ERC2: variants seen among roughly 807,000 people sequenced by gnomAD.
ERC2 encodes ERC protein 2.
In ERC2, 42 loss-of-function variants were observed where a neutral mutation model predicts 114.8. That is an observed-to-expected ratio of 0.37 (90% CI 0.29 to 0.47). The LOEUF (loss-of-function observed/expected upper bound fraction) is 0.47, where lower values mean the gene tolerates loss of function less well. ERC2 is among the 20% of genes least tolerant of loss of function. ERC2 has a pLI of 0.99. For synonymous variants in ERC2, 454 were observed against 425.5 expected (o/e 1.07, Z -0.82); for missense variants, 939 against 1,150.7 (o/e 0.82, Z 2.66).
At chr3:56,044,810 C>G (rs2075378029) in intron 7 of ERC2, among the ~76,000 whole-genome samples, 1 of 152,046 alleles carries the variant, frequency 6.6e-6, no homozygotes, top group African/African-American at 2.4e-5. Context: ...AACTCTCGCT[C>G]CCCAAATCAA....
intron 3 of ERC2, among the ~76,000 whole-genome samples, chr3:56,258,846 A>T (rs2052709046): frequency 6.6e-6 from 1 of 152,138 alleles, no homozygotes; most frequent in Admixed American, 6.5e-5. Context: ...TACAACTTAA[A>T]CTTTGATTTA....
At chr3:56,076,427 G>A (rs1027607022) in intron 7 of ERC2, among the ~76,000 whole-genome samples, 2 of 152,082 alleles carry the variant, frequency 1.3e-5, no homozygotes, top group African/African-American at 4.8e-5. Flanking sequence ...ATGTCATCAG[G>A]TTTTATGACA....
At chr3:56,322,905 G>A (rs1478945016) in intron 2 of ERC2, among the ~76,000 whole-genome samples, 1 of 152,186 alleles carries the variant, frequency 6.6e-6, no homozygotes, top group Non-Finnish European at 1.5e-5. Flanking sequence ...GGCCTAGTGG[G>A]AAGTGTTTGG....
intron 3 of ERC2, among the ~76,000 whole-genome samples, chr3:56,263,163 A>G (rs1225132627): frequency 2.0e-5 from 3 of 152,184 alleles, no homozygotes; most frequent in African/African-American, 7.2e-5. Context: ...TGATAATTCA[A>G]TTCACTTTTG....
At chr3:55,547,501 A>G (rs1315389330) in intron 17 of ERC2, among the ~76,000 whole-genome samples, 1 of 152,214 alleles carries the variant, frequency 6.6e-6, no homozygotes, top group Admixed American at 6.5e-5. Flanking sequence ...AATGAAAACC[A>G]GTTTAAGGTC....
chr3:56,103,751 C>T (rs1404544362), intron 6 of ERC2, among the ~76,000 whole-genome samples: 1 of 144,140 alleles, frequency 6.9e-6, no homozygotes, highest in African/African-American at 2.9e-5. Flanking sequence ...GTGTATCTAT[C>T]TATCTATCTA....
rs186625215 is a variant in ERC2 at position 55,744,853 on chromosome 3, C to T, written c.2565-9935G>A. On this transcript the variant is annotated intron_variant, in intron 14 of 17. Coordinates refer to ENST00000288221, the MANE Select transcript of ERC2 (RefSeq NM_015576.3). The stretch of plus-strand genomic sequence containing the variant: ...ACAACTTGCAGTCAAGACCCTCTAC[C>T]GGTAACCGGATCATCGTGAGAATTA... Among the ~76,000 whole-genome samples, 234 of 152,326 alleles carry T rather than the reference C, an allele frequency of 1.5e-3. 6 individuals are homozygous for T. Among genetic ancestry groups the T allele is most frequent in the Non-Finnish European group, 2.2e-4 (15 of 68,036 alleles).
At chr3:56,097,490 G>A (rs1248867836) in intron 6 of ERC2, among the ~76,000 whole-genome samples, 1 of 152,106 alleles carries the variant, frequency 6.6e-6, no homozygotes, top group East Asian at 1.9e-4. Flanking sequence ...ATTTCTGTGT[G>A]GGTTTGTGTG....
At chr3:55,907,788 G>A (rs2064550607) in intron 13 of ERC2, among the ~76,000 whole-genome samples, 1 of 152,170 alleles carries the variant, frequency 6.6e-6, no homozygotes, top group Admixed American at 6.5e-5. Context: ...CTTCACTCAG[G>A]GTCATAGCAA....
intron 9 of ERC2, among the ~76,000 whole-genome samples, chr3:56,008,216 A>C (rs1368668376): frequency 6.6e-6 from 1 of 152,150 alleles, no homozygotes; most frequent in Non-Finnish European, 1.5e-5. Context: ...CTCTGTAAAC[A>C]ACGTTGGCTA....
chr3:56,235,037 G>T (rs897043729), intron 3 of ERC2, among the ~76,000 whole-genome samples: 1 of 152,174 alleles, frequency 6.6e-6, no homozygotes, highest in Admixed American at 6.5e-5. Context: ...CTATAGCCTT[G>T]AAACAATCAA....
chr3:55,981,083 T>A (rs1183719109), intron 12 of ERC2, among the ~76,000 whole-genome samples: 1 of 152,248 alleles, frequency 6.6e-6, no homozygotes. Flanking sequence ...AAGGCTAGGA[T>A]CGGAAAGGTG....
At chr3:55,534,902 A>C (rs1575500421) in intron 17 of ERC2, among the ~76,000 whole-genome samples, 1 of 152,218 alleles carries the variant, frequency 6.6e-6, no homozygotes, top group African/African-American at 2.4e-5. Context: ...TTTGAGAGGA[A>C]ATGGCTGAGC....
chr3:55,729,537 C>T (rs941544801), intron 15 of ERC2, among the ~76,000 whole-genome samples: 4 of 152,052 alleles, frequency 2.6e-5, no homozygotes, highest in Non-Finnish European at 5.9e-5. Flanking sequence ...CTTTCTCCCC[C>T]TATTAAAAAG....
intron 3 of ERC2, among the ~76,000 whole-genome samples, chr3:56,243,727 T>C (rs1005147323): frequency 2.0e-5 from 3 of 152,140 alleles, no homozygotes; most frequent in Non-Finnish European, 4.4e-5. Flanking sequence ...GGCACAAAGA[T>C]AGACAGGTGC....
At chr3:55,968,297 C>T (rs1212174413) in intron 12 of ERC2, among the ~76,000 whole-genome samples, 1 of 152,088 alleles carries the variant, frequency 6.6e-6, no homozygotes, top group Admixed American at 6.6e-5. Context: ...AAAGAAAACT[C>T]CTGGCAACAC....
chr3:56,331,992 G>A (rs1452212), intron 2 of ERC2, among the ~76,000 whole-genome samples: 12,730 of 152,244 alleles, frequency 0.084, 806 homozygotes, highest in African/African-American at 0.15. Context: ...ATTCACTGGT[G>A]AACTCACTCC....
intron 2 of ERC2, among the ~76,000 whole-genome samples, chr3:56,309,633 A>G (rs1286765285): frequency 6.6e-6 from 1 of 152,224 alleles, no homozygotes; most frequent in Non-Finnish European, 1.5e-5. Flanking sequence ...AAATTACTTA[A>G]GTACTCTGAG....
intron 2 of ERC2, among the ~76,000 whole-genome samples, chr3:56,354,804 A>G (rs780168357): frequency 2.7e-4 from 41 of 152,210 alleles, no homozygotes; most frequent in Non-Finnish European, 4.7e-4. Flanking sequence ...TAGTTATTCA[A>G]TGATTAACAC....
Sources: gnomAD v4.1 joint callset for allele counts (sites outside exome capture counted in the v4.1 genomes callset) on GRCh38, gnomAD v4.1.1 for gene constraint, MANE v1.5 for transcripts, NCBI Gene and HGNC (gene_info 2026-07-23, HGNC 2026-07-21) for gene names.